The following DPH6 variants were observed in gnomAD, a reference collection of about 807,000 sequenced individuals.
DPH6 encodes diphthine--ammonia ligase.
A neutral mutation model predicts 38.2 loss-of-function variants in DPH6; 33 were observed. The observed-to-expected ratio is 0.86, with a 90% CI of 0.65 to 1.15. DPH6 has a LOEUF of 1.15. DPH6 is among the 50% of genes most tolerant of loss of function. The pLI is 0.00. For missense variants in DPH6, 325 were observed against 320.0 expected (o/e 1.02, Z -0.12); for synonymous variants, 108 against 103.0 (o/e 1.05, Z -0.30).
At position 35,451,991 on chromosome 15, in the gene DPH6, C is replaced by A. The variant is rs544239923; in HGVS notation, c.387-1188G>T. Among the ~76,000 whole-genome samples, 62 of 152,264 alleles carry A rather than the reference C, an allele frequency of 4.1e-4. 2 individuals are homozygous for A. In the South Asian group the frequency reaches 0.012, roughly 31 times the overall value. ...CGCCGCTGCACTCCAGCCTGGGCGA[C>A]AGAGCGAGACTCTGTCTCAAAAAAC... is the stretch of plus-strand genomic sequence containing the variant. On this transcript the variant is annotated intron_variant, in intron 4 of 8. Coordinates refer to ENST00000256538, the MANE Select transcript of DPH6 (RefSeq NM_080650.4).
intron 3 of DPH6, chr15:35,489,182 C>T (rs1474083393): frequency 3.2e-6 from 1 of 316,594 alleles, no homozygotes; most frequent in Admixed American, 6.5e-5. Context: ...CAATTTCAAG[C>T]TAAAATGGAC....
intron 8 of DPH6, 170 bp from the exon 9 acceptor site, chr15:35,372,373 A>G: frequency 2.1e-6 from 1 of 470,084 alleles, no homozygotes; most frequent in Non-Finnish European, 3.5e-6. Flanking sequence ...GACCAATCAA[A>G]TACCAAAACA....
At chr15:35,309,976 C>T (rs1353832765) in intron 3 of DPH6, among the ~76,000 whole-genome samples, 2 of 152,162 alleles carry the variant, frequency 1.3e-5, no homozygotes, top group African/African-American at 4.8e-5. Flanking sequence ...CTCTTGAAAT[C>T]ACAACTTTTG....
chr15:35,394,294 A>C (rs1205029881), intron 6 of DPH6, among the ~76,000 whole-genome samples: 2 of 152,184 alleles, frequency 1.3e-5, no homozygotes, highest in East Asian at 3.9e-4. Flanking sequence ...CATCTTATTT[A>C]ATACTCAAAA....
At chr15:35,517,956 T>C (rs2054870097) in intron 3 of DPH6, among the ~76,000 whole-genome samples, 1 of 152,098 alleles carries the variant, frequency 6.6e-6, no homozygotes, top group Admixed American at 6.5e-5. Flanking sequence ...AAAATTAAAT[T>C]GATGAATTAT....
chr15:35,448,832 A>G (rs2053890512), intron 5 of DPH6, among the ~76,000 whole-genome samples: 1 of 152,120 alleles, frequency 6.6e-6, no homozygotes. Context: ...TGATGCCTAT[A>G]AGACATAAAG....
At chr15:35,317,391 AAAAGG>A (rs977678747) in intron 3 of DPH6, among the ~76,000 whole-genome samples, 12 of 139,204 alleles carry the variant, frequency 8.6e-5, no homozygotes, top group African/African-American at 2.2e-4. Context: ...AAAAAGAAAG[AAAAGG>A]AAAGAAAAAG....
intron 3 of DPH6, among the ~76,000 whole-genome samples, chr15:35,477,540 A>G (rs1278290448): frequency 6.6e-6 from 1 of 151,858 alleles, no homozygotes; most frequent in African/African-American, 2.4e-5. Context: ...GGTTCCTGGT[A>G]GATGTATTAC....
chr15:35,514,678 G>A (rs1239261627), intron 3 of DPH6, among the ~76,000 whole-genome samples: 2 of 152,076 alleles, frequency 1.3e-5, no homozygotes, highest in Non-Finnish European at 2.9e-5. Context: ...GTAATTATCT[G>A]CCCTCTATTG....
At chr15:35,496,566 AAATAT>A (rs1234938712) in intron 3 of DPH6, among the ~76,000 whole-genome samples, 2 of 93,798 alleles carry the variant, frequency 2.1e-5, no homozygotes, top group African/African-American at 8.3e-5. Flanking sequence ...AAAAAAAAAA[AAATAT>A]ATATATATAT....
rs71309445 is a variant in DPH6, at chr15:35,491,548, T to TACACACACACACAC, written c.313-36742_313-36729dup. 1.4e-3 allele frequency among the ~76,000 whole-genome samples: 199 copies of TACACACACACACAC among 137,740 alleles called. 1 individual carries two copies. The highest frequency in any genetic ancestry group is 4.9e-3 in the African/African-American group (184 of 37,374). 90.4% of individuals were successfully genotyped at this position (137,740 alleles called of 152,430 possible). A position where few individuals can be genotyped will look rare whatever the true frequency, so the allele number is the denominator to read the frequency against. The stretch of plus-strand genomic sequence containing the variant: ...TCCAGAGAATCAGAACCAATAGGTG[T>TACACACACACACAC]ACACACACACACACACACACACACA... On this transcript the variant is annotated intron_variant, in intron 3 of 8. Coordinates refer to ENST00000256538, the MANE Select transcript of DPH6 (RefSeq NM_080650.4).
chr15:35,162,505 C>G, the DPH6 span, among the ~76,000 whole-genome samples: 7 of 151,904 alleles, frequency 4.6e-5, no homozygotes, highest in African/African-American at 1.7e-4. Context: ...AAATACTCTA[C>G]TCTCAGAGCG....
At chr15:35,191,391 C>T in the DPH6 span, among the ~76,000 whole-genome samples, 90 of 152,260 alleles carry the variant, frequency 5.9e-4, no homozygotes, top group South Asian at 6.6e-3. Context: ...TTCAAGCAAC[C>T]ATCATTTTTG....
chr15:35,493,047 A>G (rs551727195), intron 3 of DPH6, among the ~76,000 whole-genome samples: 1 of 151,266 alleles, frequency 6.6e-6, no homozygotes, highest in African/African-American at 2.5e-5. Context: ...TTCCTACCAT[A>G]AAAAGGCCAC....
chr15:35,370,856 A>G (rs1255879859), downstream of DPH6: 1 of 151,710 alleles, frequency 6.6e-6, no homozygotes, highest in African/African-American at 2.4e-5. Flanking sequence ...ACCTGAAAAA[A>G]ACTTATCTTC....
intron 4 of DPH6, among the ~76,000 whole-genome samples, chr15:35,454,366 T>A (rs1013878621): frequency 2.6e-5 from 4 of 152,154 alleles, no homozygotes; most frequent in African/African-American, 7.2e-5. Flanking sequence ...TTAGTAAACA[T>A]TTTTTCTTTA....
intron 3 of DPH6, among the ~76,000 whole-genome samples, chr15:35,254,924 G>C (rs143519876): frequency 0.031 from 4,664 of 152,214 alleles, 217 homozygotes; most frequent in African/African-American, 0.11. Flanking sequence ...TCTTAAGGGT[G>C]GGGGAGACTA....
At chr15:35,219,771 T>C (rs1566842155) in exon 4 of DPH6, 1 of 152,198 alleles carries the variant, frequency 6.6e-6, no homozygotes, top group Non-Finnish European at 1.5e-5. Flanking sequence ...CAATATTGTT[T>C]AAAAAAACTA....
At chr15:35,193,613 A>T in the DPH6 span, among the ~76,000 whole-genome samples, 1 of 152,170 alleles carries the variant, frequency 6.6e-6, no homozygotes, top group Non-Finnish European at 1.5e-5. Context: ...GAAGGACCAC[A>T]ATTATATATG....
Sources: gnomAD v4.1 joint callset for allele counts (sites outside exome capture counted in the v4.1 genomes callset) on GRCh38, gnomAD v4.1.1 for gene constraint, MANE v1.5 for transcripts, NCBI Gene and HGNC (gene_info 2026-07-23, HGNC 2026-07-21) for gene names.